KCNQ1: variants seen among roughly 807,000 people sequenced by gnomAD.
KCNQ1 encodes the protein potassium voltage-gated channel subfamily Q member 1.
Under a neutral mutation model 72.4 loss-of-function variants are expected in KCNQ1, and 49 were observed. The ratio of observed to expected loss-of-function variants is 0.68; its 90% CI spans 0.54 to 0.86. KCNQ1 has a LOEUF of 0.86. Ranked by LOEUF, KCNQ1 falls within the 40% of genes least tolerant of loss-of-function variation. The pLI is 0.00. For synonymous variants in KCNQ1, 450 were observed against 412.6 expected (o/e 1.09, Z -1.10); for missense variants, 790 against 945.1 (o/e 0.84, Z 2.15).
At chr11:2,511,873 C>A (rs1847211805) in intron 1 of KCNQ1, among the ~76,000 whole-genome samples, 1 of 152,198 alleles carries the variant, frequency 6.6e-6, no homozygotes, top group Non-Finnish European at 1.5e-5. Context: ...CCCGGCCTGG[C>A]CTGCAGCCCC....
chr11:2,775,395 G>C (rs1846675699), intron 12 of KCNQ1, among the ~76,000 whole-genome samples: 1 of 152,242 alleles, frequency 6.6e-6, no homozygotes, highest in South Asian at 2.1e-4. Context: ...GTCACCCACA[G>C]CAAGTGCTGC....
At chr11:2,778,162 T>G in intron 15 of KCNQ1, 125 bp downstream of exon 15, 1 of 934,020 alleles carries the variant, frequency 1.1e-6, no homozygotes, top group Non-Finnish European at 1.7e-6. Context: ...CAGTGCCTAC[T>G]GCAGCCTGCC....
intron 11 of KCNQ1, chr11:2,686,125 G>T (rs976444965): frequency 1.0e-5 from 4 of 398,680 alleles, no homozygotes; most frequent in Non-Finnish European, 1.8e-5. Context: ...CCTTTGCCCT[G>T]TCTCGCCCCC....
intron 15 of KCNQ1, among the ~76,000 whole-genome samples, chr11:2,795,824 C>T (rs532660065): frequency 1.6e-4 from 24 of 152,338 alleles, no homozygotes; most frequent in African/African-American, 5.5e-4. Flanking sequence ...GGAGTCTCTC[C>T]AGCTCTCATC....
In KCNQ1 at chr11:2,563,978, G is replaced by A. The variant is rs945837721; in HGVS notation, c.478-6650G>A. 6.6e-5 allele frequency among the ~76,000 whole-genome samples: 10 copies of A among 152,242 alleles called. No individual in the cohort carries two copies. The highest frequency in any genetic ancestry group is 2.1e-4 in the South Asian group (1 of 4,832). Reference sequence around the variant, plus strand: ...TGGAGTGCGGCAGATACTCGGGGCCGCTGGGTGGCCCTGAAGGCCCACAGA... The same window carrying A: ...TGGAGTGCGGCAGATACTCGGGGCCACTGGGTGGCCCTGAAGGCCCACAGA... On this transcript the variant is annotated intron_variant, in intron 2 of 15. Transcript: ENST00000155840. The surrounding 1 kb of genome is among the most constrained non-coding windows in gnomAD (Gnocchi z 7.4).
At chr11:2,606,892 ATTTTTTTTTTT>A (rs869121696) in intron 10 of KCNQ1, among the ~76,000 whole-genome samples, 8 of 82,768 alleles carry the variant, frequency 9.7e-5, no homozygotes, top group African/African-American at 3.7e-4. Context: ...ATTATCTGTG[ATTTTTTTTTTT>A]TTTTTTTTTT....
intron 10 of KCNQ1, chr11:2,615,412 T>G (rs11023476): frequency 0.014 from 5,686 of 398,004 alleles, 158 homozygotes; most frequent in African/African-American, 0.062. Flanking sequence ...TCTGCCTAAT[T>G]GTCATGGTTA....
intron 11 of KCNQ1, chr11:2,699,697 C>T (rs12360708): frequency 0.27 from 77,712 of 283,366 alleles, 8,441 homozygotes; most frequent in African/African-American, 0.44. Flanking sequence ...CCGGGTGCCC[C>T]GAGGAGAACG....
chr11:2,568,044 A>C (rs919687596), intron 2 of KCNQ1, among the ~76,000 whole-genome samples: 1 of 152,176 alleles, frequency 6.6e-6, no homozygotes, highest in Non-Finnish European at 1.5e-5. Flanking sequence ...CGAAGCAGGC[A>C]GATCACCTAA....
In KCNQ1 at chr11:2,537,265, G is replaced by A. The variant is rs1453387015; in HGVS notation, c.477+9247G>A. Among the ~76,000 whole-genome samples, 5 of 151,952 alleles carry A rather than the reference G, an allele frequency of 3.3e-5. No individual in the cohort carries two copies. The East Asian group carries it at 9.7e-4, about 29-fold the overall frequency. Reference sequence around the variant, plus strand: ...ATGCCTCTGGCTGCTTTGTGCCATGGCAGATTTGAGTCCTGCCATGGAGAC... The same window carrying A: ...ATGCCTCTGGCTGCTTTGTGCCATGACAGATTTGAGTCCTGCCATGGAGAC... On this transcript the variant is annotated intron_variant, in intron 2 of 15. Transcript: ENST00000155840. This position sits in a 1 kb window ranked among gnomAD's most constrained non-coding sequence, Gnocchi z 5.2.
chr11:2,667,427 A>G, intron 11 of KCNQ1: 3 of 398,740 alleles, frequency 7.5e-6, no homozygotes, highest in Non-Finnish European at 1.3e-5. Flanking sequence ...GTGAACTCCC[A>G]GCCATGATGC....
In KCNQ1 at chr11:2,647,618, G is replaced by C. The variant is rs140861756; in HGVS notation, c.1394-14343G>C. ...TTTGGTAGAATTCAGTAGAAAACCC[G>C]TGCAATCCTGAGGTTTTCTTTACTG... On this transcript the variant is annotated intron_variant, in intron 10 of 15. Transcript: ENST00000155840. The surrounding 1 kb of genome is among the most constrained non-coding windows in gnomAD (Gnocchi z 4.0). The C allele has an allele frequency of 7.5e-6, 3 of 398,370 alleles. No individual in the cohort carries two copies. The highest frequency in any genetic ancestry group is 1.3e-5 in the Non-Finnish European group (3 of 226,026). The allele number at this position is 398,370 out of a possible 1,614,324, so 24.7% of individuals were successfully genotyped here. A position where few individuals can be genotyped will look rare whatever the true frequency, so the allele number is the denominator to read the frequency against.
At position 2,537,350 on chromosome 11, in the gene KCNQ1, G is replaced by A. The variant is rs913126143; in HGVS notation, c.477+9332G>A. ...TGACCTTCCAGGAAAGGTTTGCCAC[G>A]CTATTTATTTAGCAGGATAATTTTG... On this transcript the variant is annotated intron_variant, in intron 2 of 15. Transcript: ENST00000155840. This position sits in a 1 kb window ranked among gnomAD's most constrained non-coding sequence, Gnocchi z 5.2. Among the ~76,000 whole-genome samples the A allele has an allele frequency of 6.6e-6, 1 of 152,092 alleles. No individual in the cohort carries two copies. Among genetic ancestry groups the A allele is most frequent in the African/African-American group, 2.4e-5 (1 of 41,328 alleles).
chr11:2,665,761 C>A, intron 11 of KCNQ1: 1 of 398,454 alleles, frequency 2.5e-6, no homozygotes, highest in South Asian at 1.3e-4. Context: ...ATGGAGAAGC[C>A]CTAGGATTGC....
At position 2,565,991 on chromosome 11, in the gene KCNQ1, C is replaced by T. The variant is rs887075463; in HGVS notation, c.478-4637C>T. 1.8e-4 allele frequency among the ~76,000 whole-genome samples: 27 copies of T among 152,136 alleles called. No individual in the cohort carries two copies. The highest frequency in any genetic ancestry group is 3.3e-4 in the Admixed American group (5 of 15,280). ...GGCCAGACCCAGCTCTCCAGCTTCC[C>T]GGCTGCCCACTAGATGACCACCAAG... On this transcript the variant is annotated intron_variant, in intron 2 of 15. Coordinates refer to ENST00000155840, the MANE Select transcript of KCNQ1 (RefSeq NM_000218.3). This position sits in a 1 kb window ranked among gnomAD's most constrained non-coding sequence, Gnocchi z 5.6.
At position 2,768,952 on chromosome 11, in the gene KCNQ1, C is replaced by T. The variant is rs1846544827; in HGVS notation, c.1590+33C>T. ...CTGTGCTGAGCCTTCCTGCCCTCAG[C>T]CTGCCCCTCGCAGCCTGATGCAGCT... On this transcript the variant is annotated intron_variant, in intron 12 of 15. Coordinates refer to ENST00000155840, the MANE Select transcript of KCNQ1 (RefSeq NM_000218.3). This position sits in a 1 kb window ranked among gnomAD's most constrained non-coding sequence, Gnocchi z 6.7. 1.3e-6 allele frequency: 2 copies of T among 1,555,510 alleles called. No homozygotes were observed. Among genetic ancestry groups the T allele is most frequent in the South Asian group, 2.2e-5 (2 of 89,890 alleles).
chr11:2,499,011 C>T (rs114874874), intron 1 of KCNQ1, among the ~76,000 whole-genome samples: 2,802 of 152,242 alleles, frequency 0.018, 40 homozygotes, highest in South Asian at 0.052. Context: ...CCAGGTGAGG[C>T]GATGCCCCAC....
At chr11:2,780,213 C>T (rs994688616) in intron 15 of KCNQ1, among the ~76,000 whole-genome samples, 4 of 152,168 alleles carry the variant, frequency 2.6e-5, no homozygotes, top group Non-Finnish European at 4.4e-5. Flanking sequence ...GTAGCCTACC[C>T]GGTCCTTGCC....
chr11:2,638,803 G>T (rs1482110018), intron 10 of KCNQ1: 2 of 152,236 alleles, frequency 1.3e-5, no homozygotes, highest in Admixed American at 1.3e-4. Flanking sequence ...ATATCCTGAA[G>T]AGTGTTTTCC....
Sources: gnomAD v4.1 joint callset for allele counts (sites outside exome capture counted in the v4.1 genomes callset) on GRCh38, gnomAD v4.1.1 for gene constraint, Gnocchi (gnomAD v3.1) non-coding constraint, MANE v1.5 for transcripts, NCBI Gene and HGNC (gene_info 2026-07-23, HGNC 2026-07-21) for gene names.